The following DOCK1 variants were observed in gnomAD, a reference collection of about 807,000 sequenced individuals.
DOCK1 encodes dedicator of cytokinesis 1.
In DOCK1, 138 loss-of-function variants were observed where a neutral mutation model predicts 262.7. That is an observed-to-expected ratio of 0.53 (90% CI 0.46 to 0.61). The LOEUF (loss-of-function observed/expected upper bound fraction) is 0.61, where lower values mean the gene tolerates loss of function less well. DOCK1 is among the 20% of genes least tolerant of loss of function. The pLI, the probability that DOCK1 is intolerant of heterozygous loss-of-function variation, is 0.00. For synonymous variants in DOCK1, 866 were observed against 867.4 expected, an observed-to-expected ratio of 1.00 and a Z score of 0.03; for missense variants, 1,908 against 2,370.7, an observed-to-expected ratio of 0.80 and a Z score of 4.05.
chr10:127,375,387 C>T (rs1268130217), intron 35 of DOCK1, among the ~76,000 whole-genome samples: 1 of 152,228 alleles, frequency 6.6e-6, no homozygotes, highest in East Asian at 1.9e-4. Flanking sequence ...CTCTACTTAC[C>T]TCCCTTCTCT....
intron 27 of DOCK1, among the ~76,000 whole-genome samples, chr10:127,218,011 G>A (rs2058285820): frequency 6.6e-6 from 1 of 151,850 alleles, no homozygotes; most frequent in East Asian, 1.9e-4. Context: ...GGTTGTAGGA[G>A]TGCAGCTTTA....
intron 50 of DOCK1, among the ~76,000 whole-genome samples, chr10:127,444,925 C>A (rs574142103): frequency 7.9e-5 from 12 of 151,750 alleles, no homozygotes; most frequent in Non-Finnish European, 1.5e-4. Context: ...CCCCTCTCTG[C>A]CCCTGTCTCC....
chr10:127,024,866 C>T (rs1171244154), intron 15 of DOCK1, 83 bp downstream of exon 15: 21 of 1,255,250 alleles, frequency 1.7e-5, no homozygotes, highest in East Asian at 1.6e-4. Flanking sequence ...CTAACATCCT[C>T]CTCAGCCCGG....
intron 5 of DOCK1, chr10:126,988,125 A>G (rs1195107965): frequency 6.6e-6 from 1 of 152,078 alleles, no homozygotes; most frequent in African/African-American, 2.4e-5. Flanking sequence ...TTTACATTCT[A>G]GCTTCGTGTG....
chr10:126,946,344 C>G (rs1275787509), intron 1 of DOCK1, among the ~76,000 whole-genome samples: 1 of 152,080 alleles, frequency 6.6e-6, no homozygotes, highest in Non-Finnish European at 1.5e-5. Flanking sequence ...GTCAGGAGTT[C>G]AAGACCAGCC....
In DOCK1 at chr10:126,996,900, C is replaced by T. The variant is rs770031217; in HGVS notation, c.609+17C>T. ...GAGGAAAAAGTAAGTTTGACTCTGT[C>T]ATATGCCATTCACGTTTTCTCAGTA... On this transcript the variant is annotated intron_variant, in intron 7 of 51. Coordinates refer to ENST00000623213, the MANE Select transcript of DOCK1 (RefSeq NM_001290223.2). 1.3e-6 allele frequency: 2 copies of T among 1,568,480 alleles called. No individual in the cohort carries two copies. Among genetic ancestry groups the T allele is most frequent in the South Asian group, 2.4e-5 (2 of 83,050 alleles).
At chr10:127,441,045 C>T (rs1240384330) in intron 49 of DOCK1, among the ~76,000 whole-genome samples, 2 of 152,248 alleles carry the variant, frequency 1.3e-5, no homozygotes, top group African/African-American at 2.4e-5. Context: ...TTGAATATTA[C>T]TTAGTGCCAG....
intron 16 of DOCK1, among the ~76,000 whole-genome samples, chr10:127,029,500 C>A (rs1468353826): frequency 6.6e-6 from 1 of 152,228 alleles, no homozygotes; most frequent in Non-Finnish European, 1.5e-5. Context: ...GTGTGGTCCA[C>A]GGAGCCAGGC....
chr10:127,070,250 C>CT (rs71032535), intron 23 of DOCK1, among the ~76,000 whole-genome samples: 7,240 of 92,730 alleles, frequency 0.078, 668 homozygotes, highest in East Asian at 0.12. Context: ...GAATTTAGCC[C>CT]TTTTTTTTTT....
chr10:127,287,487 G>T (rs1169250743), intron 29 of DOCK1, among the ~76,000 whole-genome samples: 1 of 152,116 alleles, frequency 6.6e-6, no homozygotes, highest in Non-Finnish European at 1.5e-5. Flanking sequence ...ACTGCACCAG[G>T]CTCCCCATTT....
At chr10:127,027,289 C>A (rs191172219) in intron 16 of DOCK1, among the ~76,000 whole-genome samples, 1 of 152,230 alleles carries the variant, frequency 6.6e-6, no homozygotes, top group Non-Finnish European at 1.5e-5. Flanking sequence ...TCTGTATCTT[C>A]ATTTGAGGAT....
At chr10:126,986,225 C>T (rs2039373900) in intron 4 of DOCK1, among the ~76,000 whole-genome samples, 1 of 152,054 alleles carries the variant, frequency 6.6e-6, no homozygotes, top group Non-Finnish European at 1.5e-5. Flanking sequence ...CTGGAACTAT[C>T]CATGAGACCA....
chr10:126,982,454 A>C (rs2039055637), intron 4 of DOCK1, among the ~76,000 whole-genome samples: 1 of 151,768 alleles, frequency 6.6e-6, no homozygotes, highest in African/African-American at 2.4e-5. Flanking sequence ...ACTGATGTAT[A>C]AGATCATTAA....
At position 127,125,504 on chromosome 10, in the gene DOCK1, C is replaced by G. The variant is rs61733299; in HGVS notation, c.2654C>G (p.Thr885Ser). ...AGAGAGATCCTGCTTCCCATGATGA[C>G]CGATCAGCTCAAGTACCATCTGGAG... ...DCREILLPMM[T>S]DQLKYHLERQ... is the part of the protein sequence containing the mutation. Residue 885 changes from threonine (T) to serine (S), a missense_variant, in exon 26 of 52, where the codon ACC becomes AGC. Around this residue, in one of 9 missense-constraint regions of DOCK1, gnomAD observed 518 missense variants for 575.1 expected, o/e 0.90. Coordinates refer to ENST00000623213, the MANE Select transcript of DOCK1 (RefSeq NM_001290223.2). The G allele has an allele frequency of 1.4e-4, 221 of 1,613,638 alleles. No homozygotes were observed. In the African/African-American group the frequency reaches 2.3e-3, roughly 17 times the overall value.
chr10:127,443,213 T>C (rs1439930128), intron 49 of DOCK1, among the ~76,000 whole-genome samples: 2 of 152,206 alleles, frequency 1.3e-5, no homozygotes, highest in African/African-American at 4.8e-5. Context: ...TTTCCCTTTT[T>C]CATAAGGTCA....
intron 1 of DOCK1, among the ~76,000 whole-genome samples, chr10:126,946,000 T>TAA (rs2035370315): frequency 6.6e-6 from 1 of 152,228 alleles, no homozygotes; most frequent in Non-Finnish European, 1.5e-5. Context: ...GGACTCTTTT[T>TAA]AAACAGCTTT....
At chr10:127,000,781 ATGTTGGTGTTCTTCCTCCG>A in intron 10 of DOCK1, 1 of 162,992 alleles carries the variant, frequency 6.1e-6, no homozygotes, top group Non-Finnish European at 1.3e-5. Flanking sequence ...TTCCTCCGCC[ATGTTGGTGTTCTTCCTCCG>A]CCATGTTGGT....
At chr10:126,952,215 G>C (rs1481370144) in intron 1 of DOCK1, among the ~76,000 whole-genome samples, 1 of 152,034 alleles carries the variant, frequency 6.6e-6, no homozygotes, top group Non-Finnish European at 1.5e-5. Flanking sequence ...TGGTGATACG[G>C]TAGTATTGTT....
rs552326355 is a variant in DOCK1, at chr10:127,182,369, C to T, written c.2847+54605C>T. On this transcript the variant is annotated intron_variant, in intron 27 of 51. Transcript: ENST00000623213. ...TGTAAACCACAAAGGCTCACACTGG[C>T]CTACTTCGGGGAGTGAGAACAAAGG... 5.9e-5 allele frequency among the ~76,000 whole-genome samples: 9 copies of T among 152,226 alleles called. No homozygotes were observed. In the South Asian group the frequency reaches 1.5e-3, roughly 25 times the overall value.
Sources: allele counts gnomAD v4.1 joint callset (sites outside exome capture counted in the v4.1 genomes callset), GRCh38; gene constraint gnomAD v4.1.1; regional missense constraint gnomAD v4.1.1; transcripts MANE v1.5; gene names NCBI Gene and HGNC (gene_info 2026-07-23, HGNC 2026-07-21).